Variants in SLC12A8 observed in about 807,000 individuals in gnomAD.
SLC12A8 encodes the protein solute carrier family 12 member 8, also known as cation-chloride cotransporter 9.
In SLC12A8, 69 loss-of-function variants were observed where a neutral mutation model predicts 75.6. That is an observed-to-expected ratio of 0.91 (90% CI 0.75 to 1.11). SLC12A8 has a LOEUF of 1.11. SLC12A8 is among the 50% of genes most tolerant of loss of function. SLC12A8 has a pLI of 0.00. For synonymous variants in SLC12A8, 365 were observed against 372.8 expected (o/e 0.98, Z 0.24); for missense variants, 877 against 896.7 (o/e 0.98, Z 0.28).
At chr3:125,128,189 T>A (rs974281779) in intron 6 of SLC12A8, among the ~76,000 whole-genome samples, 9 of 114,990 alleles carry the variant, frequency 7.8e-5, no homozygotes, top group African/African-American at 4.2e-4. Context: ...TTTTATTTTT[T>A]TTTTTTTTTG....
At chr3:125,092,740 G>C (rs1184929406) in intron 10 of SLC12A8, among the ~76,000 whole-genome samples, 1 of 152,198 alleles carries the variant, frequency 6.6e-6, no homozygotes, top group Non-Finnish European at 1.5e-5. Context: ...TGGCTGAGGG[G>C]AAAGGGGCCT....
intron 8 of SLC12A8, 99 bp downstream of exon 8, chr3:125,118,670 C>T (rs1932960597): frequency 2.6e-6 from 2 of 780,790 alleles, no homozygotes; most frequent in South Asian, 1.6e-5. Flanking sequence ...TATATGGATT[C>T]CCAGACAGTA....
chr3:125,136,077 A>G (rs1291328077), intron 5 of SLC12A8, among the ~76,000 whole-genome samples: 1 of 152,216 alleles, frequency 6.6e-6, no homozygotes, highest in Non-Finnish European at 1.5e-5. Flanking sequence ...AATATAGCTG[A>G]AATATCTTTC....
chr3:125,112,386 T>G (rs1430222185), intron 8 of SLC12A8, among the ~76,000 whole-genome samples: 1 of 152,204 alleles, frequency 6.6e-6, no homozygotes, highest in Non-Finnish European at 1.5e-5. Context: ...CATCACTTTA[T>G]GTGATCTGAT....
chr3:125,082,766 C>T lies in SLC12A8; in HGVS notation c.*1124G>A, dbSNP rs1379958322. ...ATCCTAGAGATACACTTTATGCTTG[C>T]ACATTTGTACAAGATTATTCACTGC... On this transcript the variant is annotated 3_prime_UTR_variant, in exon 14 of 14. Transcript: ENST00000469902. 1 of 152,190 alleles carries T rather than the reference C, an allele frequency of 6.6e-6. No individual in the cohort carries two copies. The highest frequency in any genetic ancestry group is 1.5e-5 in the Non-Finnish European group (1 of 68,036). The allele number at this position is 152,190 out of a possible 1,614,324, so 9.4% of individuals were successfully genotyped here. A position where few individuals can be genotyped will look rare whatever the true frequency, so the allele number is the denominator to read the frequency against.
chr3:125,127,585 G>A (rs114650146), intron 6 of SLC12A8, among the ~76,000 whole-genome samples: 296 of 152,310 alleles, frequency 1.9e-3, no homozygotes, highest in Middle Eastern at 0.01. Context: ...ATAAAATTAG[G>A]AACAAGGCTT....
At chr3:125,166,512 C>T (rs1056420343) in intron 5 of SLC12A8, among the ~76,000 whole-genome samples, 12 of 152,172 alleles carry the variant, frequency 7.9e-5, no homozygotes, top group African/African-American at 2.7e-4. Context: ...GCCCAAGCCC[C>T]GCTGGGTGGC....
At chr3:125,200,504 A>C (rs912743325) in intron 2 of SLC12A8, among the ~76,000 whole-genome samples, 2 of 152,192 alleles carry the variant, frequency 1.3e-5, no homozygotes, top group East Asian at 3.9e-4. Context: ...AGAAAAAATT[A>C]CCACATTATT....
Position 125,099,145 on chromosome 3 carries a change from G to C in SLC12A8, c.1706-6947C>G, listed in dbSNP as rs978776756. Among the ~76,000 whole-genome samples, 5 of 151,636 alleles carry C rather than the reference G, an allele frequency of 3.3e-5. No individual in the cohort carries two copies. In the East Asian group the frequency reaches 9.6e-4, roughly 29 times the overall value. On this transcript the variant is annotated intron_variant, in intron 10 of 13. Transcript: ENST00000469902. ...AGTGACACACAGATCCACTGGCAGA[G>C]AGCAGAGCCTTAAGGGCTATGCAGA...
Position 125,108,042 on chromosome 3 carries a change from C to A in SLC12A8, c.1144G>T (p.Val382Phe), listed in dbSNP as rs373827093. 5 of 1,614,044 alleles carry A rather than the reference C, an allele frequency of 3.1e-6. No homozygotes were observed. Among genetic ancestry groups the A allele is most frequent in the Non-Finnish European group, 4.2e-6 (5 of 1,180,026 alleles). The change falls in exon 10 of 14, where the codon GTT becomes TTT. Residue 382 changes from valine (V) to phenylalanine (F), a missense_variant. Physicochemically the swap from Val to Phe is conservative, Grantham distance 50. Coordinates refer to ENST00000469902, the MANE Select transcript of SLC12A8 (RefSeq NM_024628.6). Reference sequence around the variant, plus strand: ...TTGATGGTGACGATGGGGGCCAGAACGTTCACTTGACCCACAAAAACAAAG... The same window carrying A: ...TTGATGGTGACGATGGGGGCCAGAAAGTTCACTTGACCCACAAAAACAAAG... ...MAFVFVGQVN[V>F]LAPIVTINFM...
At chr3:125,191,869 C>T (rs1165304656) in intron 2 of SLC12A8, among the ~76,000 whole-genome samples, 3 of 152,214 alleles carry the variant, frequency 2.0e-5, no homozygotes, top group Admixed American at 6.5e-5. Context: ...GTCTCCAACT[C>T]CGTAAGCTTC....
At chr3:125,112,762 G>A (rs1939219401) in intron 8 of SLC12A8, among the ~76,000 whole-genome samples, 2 of 152,188 alleles carry the variant, frequency 1.3e-5, no homozygotes, top group Admixed American at 1.3e-4. Flanking sequence ...TCAAGAAAGA[G>A]CCTTTTGAAA....
chr3:125,155,140 G>A (rs930383479), intron 5 of SLC12A8: 1 of 152,078 alleles, frequency 6.6e-6, no homozygotes, highest in Admixed American at 6.6e-5. Context: ...TAGTATTTTC[G>A]GACTGTGGTT....
intron 5 of SLC12A8, among the ~76,000 whole-genome samples, chr3:125,162,496 G>A (rs978483220): frequency 4.6e-5 from 7 of 152,180 alleles, no homozygotes; most frequent in African/African-American, 1.7e-4. Context: ...GAAGCAACAG[G>A]AGCGTGGTGC....
At chr3:125,189,270 T>C (rs1934861770) in intron 3 of SLC12A8, among the ~76,000 whole-genome samples, 1 of 152,250 alleles carries the variant, frequency 6.6e-6, no homozygotes, top group Non-Finnish European at 1.5e-5. Flanking sequence ...GACTCAAGAC[T>C]GCAGCATCAA....
intron 4 of SLC12A8, among the ~76,000 whole-genome samples, chr3:125,186,920 C>T (rs1020698116): frequency 6.6e-6 from 1 of 152,216 alleles, no homozygotes; most frequent in Non-Finnish European, 1.5e-5. Flanking sequence ...CTGGCTGCCA[C>T]CTGGGCTTCA....
chr3:125,157,838 C>G (rs1164438249), intron 5 of SLC12A8, among the ~76,000 whole-genome samples: 2 of 152,162 alleles, frequency 1.3e-5, no homozygotes, highest in Admixed American at 6.6e-5. Flanking sequence ...AATACTGACC[C>G]AGGAAATGGT....
At chr3:125,118,629 A>G (rs780557214) in intron 8 of SLC12A8, 140 bp downstream of exon 8, 306 of 607,436 alleles carry the variant, frequency 5.0e-4, no homozygotes, top group Non-Finnish European at 6.7e-4. Context: ...ACCCTGTCTC[A>G]AAAAATAAAT....
intron 5 of SLC12A8, chr3:125,151,580 G>T (rs1338936997): frequency 2.7e-5 from 4 of 150,530 alleles, no homozygotes; most frequent in Non-Finnish European, 5.9e-5. Flanking sequence ...GGTCTCAAGA[G>T]AAATGCTGAA....
Sources: gnomAD v4.1 joint callset for allele counts (sites outside exome capture counted in the v4.1 genomes callset) on GRCh38, gnomAD v4.1.1 for gene constraint, MANE v1.5 for transcripts, NCBI Gene and HGNC (gene_info 2026-07-23, HGNC 2026-07-21) for gene names.